The following MYT1 variants were observed in gnomAD, a reference collection of about 807,000 sequenced individuals.
The protein encoded by MYT1 is myelin transcription factor 1.
Under a neutral mutation model 123.0 loss-of-function variants are expected in MYT1, and 23 were observed. The observed-to-expected ratio is 0.19, with a 90% CI of 0.13 to 0.26. The LOEUF (loss-of-function observed/expected upper bound fraction) is 0.26, where lower values mean the gene tolerates loss of function less well. MYT1 is among the 10% of genes least tolerant of loss of function. The probability of loss-of-function intolerance (pLI) is 1.00; values close to 1 mark genes in which losing one functional copy is unlikely to be tolerated. For missense variants in MYT1, 1,125 were observed against 1,472.5 expected (o/e 0.76, Z 3.86); for synonymous variants, 518 against 575.3 (o/e 0.90, Z 1.43).
At position 64,223,363 on chromosome 20, in the gene MYT1, T is replaced by C; in HGVS notation, c.2528+4T>C. 1 of 1,614,018 alleles carries C rather than the reference T, an allele frequency of 6.2e-7. No homozygotes were observed. The highest frequency in any genetic ancestry group is 8.5e-7 in the Non-Finnish European group (1 of 1,179,932). ...CTGCCCACTCTGCTGACCTCAAGTA[T>C]GTTTGCGCTCCCTGACCTCCTGTCT... On this transcript the variant is annotated splice_donor_region_variant and intron_variant, in intron 16 of 22. Transcript: ENST00000328439.
At chr20:64,217,042 T>C in intron 10 of MYT1, 25 bp from the exon 11 acceptor site, 1 of 1,593,648 alleles carries the variant, frequency 6.3e-7, no homozygotes, top group South Asian at 1.1e-5. Flanking sequence ...TCTCACTGGC[T>C]GTGCATCCCT....
At position 64,191,254 on chromosome 20, in the gene MYT1, AAGATCTCCCTTCGGGGACAC is replaced by A. The variant is rs1982960707; in HGVS notation, c.-1+1095_-1+1114del. ...CCCTTCTTATACCTTCCCAGGGTAT[AAGATCTCCCTTCGGGGACAC>A]TCCCGAACTGTGACATCACATGTGC... is the stretch of plus-strand genomic sequence containing the variant. On this transcript the variant is annotated intron_variant, in intron 2 of 22. Transcript: ENST00000328439. This position sits in a 1 kb window ranked among gnomAD's most constrained non-coding sequence, Gnocchi z 4.1. 6.6e-6 allele frequency among the ~76,000 whole-genome samples: 1 copy of A among 152,164 alleles called. No homozygotes were observed. Among genetic ancestry groups the A allele is most frequent in the Admixed American group, 6.5e-5 (1 of 15,272 alleles).
chr20:64,221,944 G>A lies in MYT1; in HGVS notation c.2293G>A (p.Val765Met). 6.2e-7 allele frequency: 1 copy of A among 1,613,844 alleles called. No individual in the cohort carries two copies. The highest frequency in any genetic ancestry group is 8.5e-7 in the Non-Finnish European group (1 of 1,180,038). The stretch of plus-strand genomic sequence containing the variant: ...TTCTTCTGAAGCAGATGACCAGGAA[G>A]TGTCGGAAGAGAATTTTGAGGAGCG... ...FASSEADDQE[V>M]SEENFEERKY... is the part of the protein sequence containing the mutation. The change falls in exon 14 of 23, where the codon GTG (valine) becomes ATG (methionine). Residue 765 changes from valine to methionine, a missense_variant. Val to Met is a conservative substitution (Grantham distance 21). This residue lies in a region of MYT1 where 429 missense variants were observed against 604.1 expected (regional missense o/e 0.71). Transcript: ENST00000328439.
intron 17 of MYT1, 90 bp from the exon 18 acceptor site, chr20:64,227,798 A>G (rs1168556316): frequency 1.0e-6 from 1 of 955,906 alleles, no homozygotes; most frequent in African/African-American, 1.7e-5. Flanking sequence ...CCCTGGGGTC[A>G]CAGAGCTTGA....
chr20:64,183,256 A>G (rs1451449706), intron 1 of MYT1, among the ~76,000 whole-genome samples: 1 of 152,186 alleles, frequency 6.6e-6, no homozygotes, highest in Non-Finnish European at 1.5e-5. Flanking sequence ...GTGCCACTGT[A>G]TTTCGTATCA....
intron 21 of MYT1, among the ~76,000 whole-genome samples, chr20:64,239,032 T>G (rs1984635878): frequency 6.6e-6 from 1 of 152,222 alleles, no homozygotes; most frequent in Non-Finnish European, 1.5e-5. Flanking sequence ...TCCCCACTCC[T>G]GCCTCGTGTG....
At chr20:64,225,673 G>A (rs1247684319) in intron 16 of MYT1, among the ~76,000 whole-genome samples, 2 of 152,208 alleles carry the variant, frequency 1.3e-5, no homozygotes, top group African/African-American at 2.4e-5. Context: ...GCACTCAGAA[G>A]CAGGTGGTGG....
chr20:64,211,371 C>T (rs1161541281), intron 8 of MYT1, 31 bp downstream of exon 8: 3 of 1,587,470 alleles, frequency 1.9e-6, no homozygotes, highest in Non-Finnish European at 2.6e-6. Context: ...TTAGCCCTAA[C>T]TGTGAAGCTC....
At chr20:64,220,024 C>T (rs1362108546) in intron 13 of MYT1, 42 bp downstream of exon 13, 2 of 1,437,248 alleles carry the variant, frequency 1.4e-6, no homozygotes, top group Middle Eastern at 2.2e-4. Flanking sequence ...CGGCTGCAGC[C>T]AGCTTGCCCT....
chr20:64,179,453 T>G (rs1309724473), intron 1 of MYT1, among the ~76,000 whole-genome samples: 3 of 152,350 alleles, frequency 2.0e-5, no homozygotes, highest in Middle Eastern at 3.4e-3. Context: ...CCCTTTGCAA[T>G]TAATAAATAT....
chr20:64,193,670 C>G lies in MYT1; in HGVS notation c.-1+3510C>G, dbSNP rs1253762619. Among the ~76,000 whole-genome samples, 3 of 152,074 alleles carry G rather than the reference C, an allele frequency of 2.0e-5. No individual in the cohort carries two copies. Among genetic ancestry groups the G allele is most frequent in the African/African-American group, 2.4e-5 (1 of 41,392 alleles). ...AGTTTCTGGCCACCTCCTCACCCCC[C>G]ACTCTTCACTGGCCCCTTCCTTCTG... On this transcript the variant is annotated intron_variant, in intron 2 of 22. Coordinates refer to ENST00000328439, the MANE Select transcript of MYT1 (RefSeq NM_004535.3). This position sits in a 1 kb window ranked among gnomAD's most constrained non-coding sequence, Gnocchi z 4.0.
rs781671449 is a variant in MYT1, at chr20:64,205,084, T to G, written c.136T>G (p.Ser46Ala). ...CTCAGGGCACGTCCGGGGCAAGTAC[T>G]CCAGGCACCGAAGGTAAGAGGACCC... ...TGSGHVRGKY[S>A]RHRSLQSCPL... The change falls in exon 5 of 23, where the codon TCC (serine) becomes GCC (alanine). Residue 46 changes from serine (S) to alanine (A), a missense_variant. Ser to Ala is a moderately conservative substitution (Grantham distance 99). Coordinates refer to ENST00000328439, the MANE Select transcript of MYT1 (RefSeq NM_004535.3). The G allele has an allele frequency of 6.2e-7, 1 of 1,614,064 alleles. No individual in the cohort carries two copies. The highest frequency in any genetic ancestry group is 8.5e-7 in the Non-Finnish European group (1 of 1,180,024).
At position 64,182,671 on chromosome 20, in the gene MYT1, C is replaced by T. The variant is rs186347454; in HGVS notation, c.-98-7392C>T. Among the ~76,000 whole-genome samples, 25 of 152,284 alleles carry T rather than the reference C, an allele frequency of 1.6e-4. No individual in the cohort carries two copies. The East Asian group carries it at 3.5e-3, about 21-fold the overall frequency. ...CCTCCTGTTGTATCCCTGGACCCAG[C>T]CCTCCCTGGCCTCCAGGAGCAGGGA... On this transcript the variant is annotated intron_variant, in intron 1 of 22. Transcript: ENST00000328439.
chr20:64,187,935 G>A (rs1483327420), intron 1 of MYT1, among the ~76,000 whole-genome samples: 1 of 152,222 alleles, frequency 6.6e-6, no homozygotes, highest in Non-Finnish European at 1.5e-5. Flanking sequence ...CAGCGGCTTT[G>A]CTGCCTCAGG....
rs184317560 is a variant in MYT1, at chr20:64,190,999, A to C, written c.-1+839A>C. The stretch of plus-strand genomic sequence containing the variant: ...ACAAGCAAGCAAGCAAACAAAAAAA[A>C]CCCACCAAAATGAAAATGTGACCCC... On this transcript the variant is annotated intron_variant, in intron 2 of 22. Coordinates refer to ENST00000328439, the MANE Select transcript of MYT1 (RefSeq NM_004535.3). This position sits in a 1 kb window ranked among gnomAD's most constrained non-coding sequence, Gnocchi z 4.1. Among the ~76,000 whole-genome samples, 2,491 of 152,250 alleles carry C rather than the reference A, an allele frequency of 0.016. 40 individuals are homozygous for C. Among genetic ancestry groups the C allele is most frequent in the South Asian group, 0.063 (305 of 4,820 alleles).
rs376695131 is a variant in MYT1, at chr20:64,219,912, G to T, written c.2171G>T (p.Arg724Leu). ...MTSPQSSQAS[R>L]QDEWDRPLDY... is the part of the protein sequence containing the mutation. ...TCTCCCCAGTCCAGCCAGGCCTCCCGCCAGGACGAGTGGGACCGGCCCCTG... is the reference window on the plus strand; with the variant it reads ...TCTCCCCAGTCCAGCCAGGCCTCCCTCCAGGACGAGTGGGACCGGCCCCTG... Residue 724 changes from arginine to leucine, a missense_variant, in exon 13 of 23, where the codon CGC becomes CTC. By Grantham distance (102) the Arg-to-Leu change is moderately radical (BLOSUM62 -2). Transcript: ENST00000328439. The T allele has an allele frequency of 1.9e-6, 3 of 1,564,302 alleles. No homozygotes were observed. The highest frequency in any genetic ancestry group is 1.4e-5 in the African/African-American group (1 of 73,546).
chr20:64,219,561 T>A, intron 12 of MYT1, 152 bp from the exon 13 acceptor site: 1 of 687,578 alleles, frequency 1.5e-6, no homozygotes, highest in Non-Finnish European at 2.4e-6. Context: ...GGCAGCTGGA[T>A]TTTTTCCCTC....
intron 1 of MYT1, among the ~76,000 whole-genome samples, chr20:64,171,633 G>T (rs984090333): frequency 2.0e-5 from 3 of 149,506 alleles, no homozygotes; most frequent in Non-Finnish European, 3.0e-5. Flanking sequence ...TCTGGCATCT[G>T]GAGGAACCCA....
At chr20:64,205,336 G>A (rs1361917932) in intron 5 of MYT1, among the ~76,000 whole-genome samples, 3 of 140,960 alleles carry the variant, frequency 2.1e-5, no homozygotes, top group Non-Finnish European at 4.9e-5. Flanking sequence ...ACTCTAGCAT[G>A]GAGGTCCGTG....
Sources: allele counts gnomAD v4.1 joint callset (sites outside exome capture counted in the v4.1 genomes callset), GRCh38; gene constraint gnomAD v4.1.1; regional missense constraint gnomAD v4.1.1; non-coding constraint Gnocchi (gnomAD v3.1); transcripts MANE v1.5; gene names NCBI Gene and HGNC (gene_info 2026-07-23, HGNC 2026-07-21).